Variants in TXLNB observed in about 807,000 individuals in gnomAD.
TXLNB encodes the protein beta-taxilin.
A neutral mutation model predicts 57.4 loss-of-function variants in TXLNB; 37 were observed. The ratio of observed to expected loss-of-function variants is 0.64; its 90% CI spans 0.50 to 0.85. The LOEUF (loss-of-function observed/expected upper bound fraction) is 0.85, where lower values mean the gene tolerates loss of function less well. Ranked by LOEUF, TXLNB falls within the 40% of genes least tolerant of loss-of-function variation. The pLI is 0.00. For missense variants in TXLNB, 848 were observed against 825.6 expected, an observed-to-expected ratio of 1.03 and a Z score of -0.33; for synonymous variants, 302 against 309.6, an observed-to-expected ratio of 0.98 and a Z score of 0.26.
chr6:139,244,642 C>T lies in TXLNB; in HGVS notation c.1219G>A (p.Ala407Thr), dbSNP rs756844950. 1 of 1,614,086 alleles carries T rather than the reference C, an allele frequency of 6.2e-7. No individual in the cohort carries two copies. Among genetic ancestry groups the T allele is most frequent in the Admixed American group, 1.7e-5 (1 of 60,026 alleles). ...GCTTTGTTACAGTTCTCAAATCGGG[C>T]TTTCCATGTGGCTGTGTCCTTTTCC... ...KLEKDTATWK[A>T]RFENCNKALL... The change falls in exon 9 of 10, where the codon GCC (alanine) becomes ACC (threonine). Residue 407 changes from alanine to threonine, a missense_variant. Coordinates refer to ENST00000358430, the MANE Select transcript of TXLNB (RefSeq NM_153235.4).
chr6:139,159,928 C>T, the TXLNB span, among the ~76,000 whole-genome samples: 10 of 152,024 alleles, frequency 6.6e-5, no homozygotes, highest in East Asian at 3.9e-4. Context: ...TAGCAATGTC[C>T]GGTTTATGGG....
At chr6:139,302,780 G>C in the TXLNB span, among the ~76,000 whole-genome samples, 2 of 151,034 alleles carry the variant, frequency 1.3e-5, no homozygotes, top group African/African-American at 2.4e-5. Context: ...GTGAAACTAC[G>C]TCTTGAAAAA....
At chr6:139,217,864 C>CAAAAA in the TXLNB span, among the ~76,000 whole-genome samples, 49 of 51,822 alleles carry the variant, frequency 9.5e-4, no homozygotes, top group African/African-American at 1.6e-3. Context: ...GCAAGAGTCT[C>CAAAAA]AAAAAAAAAA....
the TXLNB span, among the ~76,000 whole-genome samples, chr6:139,213,727 C>T: frequency 6.6e-6 from 1 of 152,082 alleles, no homozygotes; most frequent in African/African-American, 2.4e-5. Flanking sequence ...TGATAGACCA[C>T]TAGCAAGACC....
intron 3 of TXLNB, among the ~76,000 whole-genome samples, chr6:139,272,041 G>A (rs984402800): frequency 1.3e-5 from 2 of 152,148 alleles, no homozygotes; most frequent in Admixed American, 6.5e-5. Context: ...GGGCGTGGTG[G>A]CTCATGCCTG....
the TXLNB span, chr6:139,183,528 T>G: frequency 1.3e-5 from 2 of 152,314 alleles, no homozygotes; most frequent in South Asian, 4.1e-4. Flanking sequence ...TTTCTGATGC[T>G]AAGGGTAACA....
At chr6:139,181,575 C>G in the TXLNB span, among the ~76,000 whole-genome samples, 2 of 152,158 alleles carry the variant, frequency 1.3e-5, no homozygotes, top group African/African-American at 4.8e-5. Context: ...AAGAGTAATG[C>G]TAGTGTACTC....
the TXLNB span, among the ~76,000 whole-genome samples, chr6:139,299,145 T>C: frequency 2.2e-4 from 33 of 152,318 alleles, no homozygotes; most frequent in South Asian, 6.6e-3. Context: ...TGTGTTGCCA[T>C]TGGCTTGTTC....
chr6:139,261,448 A>G (rs1776479981), intron 5 of TXLNB, among the ~76,000 whole-genome samples: 1 of 152,104 alleles, frequency 6.6e-6, no homozygotes. Context: ...CATGTTACCA[A>G]CAGAGCCGCT....
intron 3 of TXLNB, 99 bp from the exon 4 acceptor site, chr6:139,270,725 G>T: frequency 9.0e-7 from 1 of 1,111,700 alleles, no homozygotes; most frequent in Non-Finnish European, 1.3e-6. Context: ...TGGTTGTTTG[G>T]AAACATTTTT....
At chr6:139,203,902 G>A in the TXLNB span, among the ~76,000 whole-genome samples, 17 of 152,208 alleles carry the variant, frequency 1.1e-4, no homozygotes, top group East Asian at 2.7e-3. Context: ...AAATTCATCG[G>A]TGTTCTGGTA....
chr6:139,216,392 G>A, the TXLNB span, among the ~76,000 whole-genome samples: 7 of 147,380 alleles, frequency 4.7e-5, no homozygotes, highest in East Asian at 6.1e-4. Flanking sequence ...ACCAAACACC[G>A]CGTGTTCTCA....
chr6:139,277,355 C>CA (rs1242084970), intron 2 of TXLNB, among the ~76,000 whole-genome samples: 3 of 152,202 alleles, frequency 2.0e-5, no homozygotes, highest in Admixed American at 2.0e-4. Context: ...GAAACAGCAA[C>CA]ACGGAGTTGC....
chr6:139,159,654 T>C, the TXLNB span, among the ~76,000 whole-genome samples: 1 of 152,188 alleles, frequency 6.6e-6, no homozygotes, highest in Non-Finnish European at 1.5e-5. Context: ...CCTCTCTCTA[T>C]TACTGTGGTC....
At chr6:139,317,007 C>G in the TXLNB span, among the ~76,000 whole-genome samples, 1 of 151,944 alleles carries the variant, frequency 6.6e-6, no homozygotes, top group African/African-American at 2.4e-5. Context: ...CTTTTTTTCC[C>G]TCGGGGAATC....
the TXLNB span, among the ~76,000 whole-genome samples, chr6:139,190,824 A>G: frequency 6.4e-3 from 973 of 152,278 alleles, 6 homozygotes; most frequent in Non-Finnish European, 8.5e-3. Context: ...CCACCTCTAA[A>G]AGCCATCACC....
At position 139,254,784 on chromosome 6, in the gene TXLNB, T is replaced by A. The variant is rs149149403; in HGVS notation, c.1077+780A>T. 5.9e-5 allele frequency among the ~76,000 whole-genome samples: 9 copies of A among 152,340 alleles called. No individual in the cohort carries two copies. The East Asian group carries it at 1.7e-3, about 29-fold the overall frequency. ...CTGACAAGGCCAACCTCTGATGGCA[T>A]AGAAACTTGAGTGGTGACTATTTTT... On this transcript the variant is annotated intron_variant, in intron 7 of 9. Transcript: ENST00000358430.
At chr6:139,166,992 C>G in the TXLNB span, 1 of 1,614,196 alleles carries the variant, frequency 6.2e-7, no homozygotes, top group South Asian at 1.1e-5. Flanking sequence ...TACAGCCCTG[C>G]GGGGTTGGCA....
downstream of TXLNB, among the ~76,000 whole-genome samples, chr6:139,239,909 T>C (rs185777227): frequency 1.1e-4 from 17 of 152,124 alleles, no homozygotes; most frequent in Admixed American, 6.5e-4. The surrounding 1 kb of genome is among the most constrained non-coding windows in gnomAD (Gnocchi z 4.7). Flanking sequence ...ATCTTCAAAG[T>C]GTTGACTACA....
Sources: gnomAD v4.1 joint callset for allele counts (sites outside exome capture counted in the v4.1 genomes callset) on GRCh38, gnomAD v4.1.1 for gene constraint, Gnocchi (gnomAD v3.1) non-coding constraint, MANE v1.5 for transcripts, NCBI Gene and HGNC (gene_info 2026-07-23, HGNC 2026-07-21) for gene names.